Variants in TBC1D22A observed in about 807,000 individuals in gnomAD.
TBC1D22A encodes putative GTPase activator.
Under a neutral mutation model 60.2 loss-of-function variants are expected in TBC1D22A, and 38 were observed. That is an observed-to-expected ratio of 0.63 (90% CI 0.49 to 0.83). The LOEUF (loss-of-function observed/expected upper bound fraction) is 0.83. Among genes scored for constraint, TBC1D22A ranks in the 40% least tolerant of loss-of-function variants. TBC1D22A has a pLI of 0.00. For synonymous variants in TBC1D22A, 302 were observed against 281.7 expected (o/e 1.07, Z -0.72); for missense variants, 628 against 701.0 (o/e 0.90, Z 1.18).
intron 8 of TBC1D22A, among the ~76,000 whole-genome samples, chr22:46,954,426 G>A (rs554269363): frequency 1.2e-4 from 18 of 152,356 alleles, no homozygotes; most frequent in Admixed American, 7.2e-4. Flanking sequence ...ATTTTGTGCA[G>A]GTCAGATACG....
At chr22:47,023,334 A>G (rs1180585428) in intron 10 of TBC1D22A, among the ~76,000 whole-genome samples, 1 of 152,254 alleles carries the variant, frequency 6.6e-6, no homozygotes, top group African/African-American at 2.4e-5. Context: ...TGAAAGAGAA[A>G]AAAATGAACA....
chr22:46,824,828 G>A (rs1207745045), intron 4 of TBC1D22A, among the ~76,000 whole-genome samples: 1 of 152,118 alleles, frequency 6.6e-6, no homozygotes, highest in Admixed American at 6.5e-5. Flanking sequence ...GGGCAACTTG[G>A]AGAGGAGCAG....
At chr22:46,871,880 T>C (rs931637216) in intron 4 of TBC1D22A, among the ~76,000 whole-genome samples, 4 of 152,156 alleles carry the variant, frequency 2.6e-5, no homozygotes, top group East Asian at 1.9e-4. Context: ...CACTAAAATA[T>C]AAAGTTTTTT....
intron 9 of TBC1D22A, among the ~76,000 whole-genome samples, chr22:46,974,811 GC>G (rs2074228819): frequency 6.6e-6 from 1 of 152,208 alleles, no homozygotes; most frequent in Non-Finnish European, 1.5e-5. Flanking sequence ...GTGAGCCCTC[GC>G]CTGCAGTATT....
chr22:46,978,181 A>G lies in TBC1D22A; in HGVS notation c.1125+3782A>G, dbSNP rs1176759775. On this transcript the variant is annotated intron_variant, in intron 9 of 12. Transcript: ENST00000337137. ...AGATCAGGTGCTGCCCAGAGCAGGG[A>G]CACGGGCTCTGCCATTGACATGCCC... 3.3e-5 allele frequency among the ~76,000 whole-genome samples: 5 copies of G among 152,332 alleles called. No homozygotes were observed. In the East Asian group the frequency reaches 7.7e-4, roughly 24 times the overall value.
At chr22:46,928,960 CG>C (rs2071198637) in intron 8 of TBC1D22A, among the ~76,000 whole-genome samples, 1 of 151,166 alleles carries the variant, frequency 6.6e-6, no homozygotes, top group Non-Finnish European at 1.5e-5. Flanking sequence ...ATGTGGGGGC[CG>C]GGGGATTGAC....
chr22:46,817,310 G>A (rs951595811), intron 4 of TBC1D22A, among the ~76,000 whole-genome samples: 2 of 151,554 alleles, frequency 1.3e-5, no homozygotes, highest in Non-Finnish European at 2.9e-5. Flanking sequence ...TACAGGTGCA[G>A]AATGTGCAGG....
At chr22:46,874,765 G>C (rs1192759335) in intron 4 of TBC1D22A, among the ~76,000 whole-genome samples, 1 of 151,784 alleles carries the variant, frequency 6.6e-6, no homozygotes, top group Non-Finnish European at 1.5e-5. Context: ...GTAGAGATGG[G>C]ATTTCACCAT....
At chr22:47,154,571 A>G (rs2067637707) in intron 12 of TBC1D22A, among the ~76,000 whole-genome samples, 1 of 152,148 alleles carries the variant, frequency 6.6e-6, no homozygotes, top group Non-Finnish European at 1.5e-5. Flanking sequence ...GGCTCCCTGA[A>G]GCCCTCAGGA....
chr22:47,047,830 C>T (rs1352971793), intron 11 of TBC1D22A, among the ~76,000 whole-genome samples: 3 of 152,248 alleles, frequency 2.0e-5, no homozygotes, highest in African/African-American at 7.2e-5. Flanking sequence ...TGCCGTCTGC[C>T]TCTACTCCTT....
At chr22:46,869,345 G>T (rs2067203162) in intron 4 of TBC1D22A, among the ~76,000 whole-genome samples, 1 of 152,222 alleles carries the variant, frequency 6.6e-6, no homozygotes, top group South Asian at 2.1e-4. Flanking sequence ...CTGGTGAACA[G>T]TGATTTCACT....
At chr22:47,037,339 T>C in intron 11 of TBC1D22A, 141 bp downstream of exon 11, 2 of 1,273,048 alleles carry the variant, frequency 1.6e-6, no homozygotes, top group Non-Finnish European at 2.1e-6. Context: ...CTTTAAAAAG[T>C]ATACTCCTGG....
At chr22:47,021,895 C>T (rs552075394) in intron 10 of TBC1D22A, among the ~76,000 whole-genome samples, 234 of 152,310 alleles carry the variant, frequency 1.5e-3, no homozygotes, top group African/African-American at 5.3e-3. Flanking sequence ...AACTGCCACC[C>T]GCTTGCCACC....
intron 8 of TBC1D22A, among the ~76,000 whole-genome samples, chr22:46,958,751 G>A (rs1358385493): frequency 6.6e-6 from 1 of 152,188 alleles, no homozygotes; most frequent in African/African-American, 2.4e-5. Flanking sequence ...GTTGCTGTTC[G>A]ACCTTTGCCT....
intron 7 of TBC1D22A, among the ~76,000 whole-genome samples, chr22:46,909,388 CCT>C (rs2069735306): frequency 6.6e-6 from 1 of 151,986 alleles, no homozygotes; most frequent in Non-Finnish European, 1.5e-5. Flanking sequence ...GCCTTGACTC[CCT>C]CTGTCCAGGG....
chr22:47,014,202 T>A (rs1470377815), intron 10 of TBC1D22A, among the ~76,000 whole-genome samples: 1 of 152,150 alleles, frequency 6.6e-6, no homozygotes, highest in East Asian at 1.9e-4. Flanking sequence ...TGGCCCGGGC[T>A]TTTGCTTTCT....
chr22:47,111,472 T>C, intron 11 of TBC1D22A, 36 bp from the exon 12 acceptor site: 1 of 1,597,336 alleles, frequency 6.3e-7, no homozygotes, highest in East Asian at 2.2e-5. Flanking sequence ...GGGTCACGCG[T>C]TACAATTTCT....
At chr22:47,087,233 A>G (rs1278909149) in intron 11 of TBC1D22A, among the ~76,000 whole-genome samples, 2 of 152,268 alleles carry the variant, frequency 1.3e-5, no homozygotes, top group Admixed American at 6.5e-5. Flanking sequence ...CCAGAAACCA[A>G]TGAAAAAGGG....
intron 12 of TBC1D22A, among the ~76,000 whole-genome samples, chr22:47,146,852 G>C (rs1410537934): frequency 6.6e-6 from 1 of 152,224 alleles, no homozygotes; most frequent in Non-Finnish European, 1.5e-5. Flanking sequence ...CTCTGACACA[G>C]GTCAAGAGGC....
Sources: gnomAD v4.1 joint callset for allele counts (sites outside exome capture counted in the v4.1 genomes callset) on GRCh38, gnomAD v4.1.1 for gene constraint, MANE v1.5 for transcripts, NCBI Gene and HGNC (gene_info 2026-07-23, HGNC 2026-07-21) for gene names.